PTPRD: variants seen among roughly 807,000 people sequenced by gnomAD.
PTPRD encodes receptor-type tyrosine-protein phosphatase delta.
A neutral mutation model predicts 214.5 loss-of-function variants in PTPRD; 34 were observed. That is an observed-to-expected ratio of 0.16 (90% CI 0.12 to 0.21). The LOEUF (loss-of-function observed/expected upper bound fraction) is 0.21. PTPRD is among the 10% of genes least tolerant of loss of function. PTPRD has a pLI of 1.00. For missense variants in PTPRD, 2,545 were observed against 2,398.7 expected, an observed-to-expected ratio of 1.06 and a Z score of -1.27; for synonymous variants, 1,128 against 845.7, an observed-to-expected ratio of 1.33 and a Z score of -5.79.
At chr9:8,780,517 G>A (rs1030588172) in intron 11 of PTPRD, among the ~76,000 whole-genome samples, 2 of 152,202 alleles carry the variant, frequency 1.3e-5, no homozygotes, top group African/African-American at 4.8e-5. Flanking sequence ...AACACTGGGA[G>A]AAGGAGGTAC....
intron 12 of PTPRD, among the ~76,000 whole-genome samples, chr9:8,721,719 G>C (rs562280441): frequency 6.6e-6 from 1 of 152,248 alleles, no homozygotes; most frequent in East Asian, 1.9e-4. Flanking sequence ...CAAAAACTGA[G>C]ACATAAAGTG....
chr9:10,166,617 C>T (rs1206953920), intron 3 of PTPRD, among the ~76,000 whole-genome samples: 1 of 151,988 alleles, frequency 6.6e-6, no homozygotes, highest in African/African-American at 2.4e-5. Flanking sequence ...AAAAGCTATT[C>T]ATCAGCATAA....
At chr9:8,471,952 T>G (rs10977137) in intron 30 of PTPRD, among the ~76,000 whole-genome samples, 4 of 152,010 alleles carry the variant, frequency 2.6e-5, no homozygotes, top group African/African-American at 9.7e-5. Flanking sequence ...AACATACTGT[T>G]TAATAATAAC....
At chr9:9,036,841 G>C (rs780111054) in intron 10 of PTPRD, among the ~76,000 whole-genome samples, 8 of 152,088 alleles carry the variant, frequency 5.3e-5, no homozygotes, top group Non-Finnish European at 1.2e-4. Context: ...TCTTGGTTGA[G>C]CCTGCTCAAG....
chr9:9,413,155 C>T lies in PTPRD; in HGVS notation c.-236-15673G>A, dbSNP rs1252040340. 4.5e-4 allele frequency among the ~76,000 whole-genome samples: 57 copies of T among 125,984 alleles called. 1 individual carries two copies. The highest frequency in any genetic ancestry group is 5.4e-4 in the South Asian group (2 of 3,688). The allele number at this position is 125,984 out of a possible 152,430, so 82.7% of individuals were successfully genotyped here. On this transcript the variant is annotated intron_variant, in intron 8 of 45. Transcript: ENST00000381196. ...CGGAGTCTCGCTCTGTCGCCCAGGC[C>T]GGACTGCGGACTGCAGTGGCGCAAT... is the stretch of plus-strand genomic sequence containing the variant.
intron 7 of PTPRD, among the ~76,000 whole-genome samples, chr9:9,669,300 A>G (rs1216814592): frequency 6.6e-6 from 1 of 152,170 alleles, no homozygotes; most frequent in Non-Finnish European, 1.5e-5. Context: ...ACAGATAGAG[A>G]TTCTATTAGT....
chr9:8,530,918 A>C (rs963398934), intron 14 of PTPRD, among the ~76,000 whole-genome samples: 5 of 152,164 alleles, frequency 3.3e-5, no homozygotes, highest in Non-Finnish European at 7.4e-5. Flanking sequence ...GAAAGTTTCT[A>C]TCTTTTACTA....
At chr9:9,056,591 C>T (rs967133812) in intron 10 of PTPRD, among the ~76,000 whole-genome samples, 2 of 152,128 alleles carry the variant, frequency 1.3e-5, no homozygotes, top group African/African-American at 2.4e-5. Context: ...ATTTTAATCT[C>T]ATAAGAAAAG....
At chr9:9,682,912 G>A (rs1453313228) in intron 7 of PTPRD, among the ~76,000 whole-genome samples, 1 of 151,726 alleles carries the variant, frequency 6.6e-6, no homozygotes, top group Non-Finnish European at 1.5e-5. Flanking sequence ...CTAATAAGGT[G>A]GTGATGGGGA....
intron 39 of PTPRD, among the ~76,000 whole-genome samples, chr9:8,366,035 C>G (rs1205439501): frequency 1.3e-5 from 2 of 152,244 alleles, no homozygotes; most frequent in Non-Finnish European, 2.9e-5. Flanking sequence ...GTTCTGCCAA[C>G]TCCTGTGGCA....
intron 9 of PTPRD, among the ~76,000 whole-genome samples, chr9:9,395,480 A>G (rs2067454867): frequency 6.6e-6 from 1 of 152,122 alleles, no homozygotes; most frequent in Non-Finnish European, 1.5e-5. Flanking sequence ...ACCTGGTTTA[A>G]GAAAGGAGAG....
At chr9:8,567,470 C>T (rs964546130) in intron 14 of PTPRD, among the ~76,000 whole-genome samples, 1 of 152,140 alleles carries the variant, frequency 6.6e-6, no homozygotes, top group Non-Finnish European at 1.5e-5. Context: ...ACTAAGGATA[C>T]CACATTGCAG....
chr9:8,445,005 G>C (rs1267060964), intron 34 of PTPRD, among the ~76,000 whole-genome samples: 1 of 152,034 alleles, frequency 6.6e-6, no homozygotes, highest in East Asian at 1.9e-4. Flanking sequence ...TTCTTCCATA[G>C]ATCTTAAAGA....
intron 5 of PTPRD, among the ~76,000 whole-genome samples, chr9:9,825,104 GT>G (rs1335419274): frequency 6.6e-6 from 1 of 151,722 alleles, no homozygotes; most frequent in Non-Finnish European, 1.5e-5. Flanking sequence ...TGATACTGCA[GT>G]TTTTATGTTA....
chr9:10,526,105 G>T (rs1372439593), intron 2 of PTPRD, among the ~76,000 whole-genome samples: 3 of 152,056 alleles, frequency 2.0e-5, no homozygotes, highest in African/African-American at 7.2e-5. Context: ...GTCATAGAAA[G>T]TTCTTTTGAA....
chr9:9,655,590 C>A (rs888162028), intron 7 of PTPRD, among the ~76,000 whole-genome samples: 1 of 150,714 alleles, frequency 6.6e-6, no homozygotes, highest in African/African-American at 2.4e-5. Context: ...CAAACCAAAC[C>A]AAACCAAACC....
rs60850678 is a variant in PTPRD, at chr9:8,496,211, AACAC to A, written c.2349+1027_2349+1030del. On this transcript the variant is annotated intron_variant, in intron 26 of 45. Transcript: ENST00000381196. ...ACACACACACACACACACACACACAAACACACACACACACACACACTTTTTCACT... is the reference window on the plus strand; with the variant it reads ...ACACACACACACACACACACACACAAACACACACACACACACTTTTTCACT... 3.5e-3 allele frequency among the ~76,000 whole-genome samples: 318 copies of A among 91,500 alleles called. No individual in the cohort carries two copies. The East Asian group carries it at 0.046, about 13-fold the overall frequency. 60.0% of individuals were successfully genotyped at this position (91,500 alleles called of 152,430 possible).
chr9:8,592,175 T>C (rs572510937), intron 14 of PTPRD, among the ~76,000 whole-genome samples: 5 of 152,216 alleles, frequency 3.3e-5, no homozygotes, highest in Non-Finnish European at 7.3e-5. Context: ...TTTGTCTTGA[T>C]ACTAAACCCT....
chr9:10,278,212 ATATGAAGAAAGT>A (rs1298155170), intron 3 of PTPRD, among the ~76,000 whole-genome samples: 1 of 152,202 alleles, frequency 6.6e-6, no homozygotes, highest in Non-Finnish European at 1.5e-5. Flanking sequence ...CTAGGAACAA[ATATGAAGAAAGT>A]TATTAAAAAA....
Sources: allele counts gnomAD v4.1 joint callset (sites outside exome capture counted in the v4.1 genomes callset), GRCh38; gene constraint gnomAD v4.1.1; transcripts MANE v1.5; gene names NCBI Gene and HGNC (gene_info 2026-07-23, HGNC 2026-07-21).